Variants in PCDHB14 observed in about 807,000 individuals in gnomAD.
PCDHB14 encodes the protein protocadherin beta-14.
For synonymous variants in PCDHB14, 511 were observed against 441.5 expected, an observed-to-expected ratio of 1.16 and a Z score of -1.97; for missense variants, 1,129 against 1,000.5, an observed-to-expected ratio of 1.13 and a Z score of -1.73.
chr5:141,224,406 G>T lies in PCDHB14; in HGVS notation c.901G>T (p.Val301Phe), dbSNP rs781955583. The T allele has an allele frequency of 6.2e-7, 1 of 1,606,672 alleles. No homozygotes were observed. ...TFEINPISGE[V>F]NLRSPLDFEV... Reference sequence around the variant, plus strand: ...TGAAATTAATCCAATATCTGGGGAAGTTAATTTGAGATCACCCCTGGATTT... The same window carrying T: ...TGAAATTAATCCAATATCTGGGGAATTTAATTTGAGATCACCCCTGGATTT... The change falls in exon 1 of 1, where the codon GTT becomes TTT. Residue 301 changes from valine (V) to phenylalanine (F), a missense_variant. By Grantham distance (50) the Val-to-Phe change is conservative. Coordinates refer to ENST00000239449, the MANE Select transcript of PCDHB14 (RefSeq NM_018934.4).
chr5:141,223,391 T>C lies in PCDHB14; in HGVS notation c.-115T>C, dbSNP rs1211730174. 1 of 745,764 alleles carries C rather than the reference T, an allele frequency of 1.3e-6. No homozygotes were observed. The highest frequency in any genetic ancestry group is 2.3e-6 in the Non-Finnish European group (1 of 441,466). 46.2% of individuals were successfully genotyped at this position (745,764 alleles called of 1,614,324 possible). On this transcript the variant is annotated 5_prime_UTR_variant, in exon 1 of 1. Transcript: ENST00000239449. ...AGACAGGCATTAAAGGAGCTTCGCC[T>C]ACAGAGCTGCTGGAGGATACACTCT...
At position 141,224,049 on chromosome 5, in the gene PCDHB14, A is replaced by G. The variant is rs1754776515; in HGVS notation, c.544A>G (p.Ile182Val). Residue 182 changes from isoleucine to valine, a missense_variant, in exon 1 of 1, where the codon ATT becomes GTT. Transcript: ENST00000239449. ...CCCCAATTCTCACTTCTACATTAAA[A>G]TTCCCGACAGTAGTGACAGAAAGAT... is the stretch of plus-strand genomic sequence containing the variant. ...ISPNSHFYIK[I>V]PDSSDRKIYP... is the part of the protein sequence containing the mutation. 6 of 1,613,736 alleles carry G rather than the reference A, an allele frequency of 3.7e-6. No individual in the cohort carries two copies. The highest frequency in any genetic ancestry group is 8.5e-7 in the Non-Finnish European group (1 of 1,179,904).
rs560019029 is a variant in PCDHB14 at position 141,224,249 on chromosome 5, G to A, written c.744G>A (p.Glu248=). Residue 248 remains glutamate, a synonymous_variant, in exon 1 of 1, where the codon GAG becomes GAA. Coordinates refer to ENST00000239449, the MANE Select transcript of PCDHB14 (RefSeq NM_018934.4). The part of the protein sequence containing the change: ...NAPEFPQSLY[E]VQVPEDRPLG... ...CTGAGTTTCCTCAGAGTCTCTATGA[G>A]GTGCAAGTCCCCGAGGACAGACCCC... 1.7e-4 allele frequency: 276 copies of A among 1,613,792 alleles called. No homozygotes were observed. Among genetic ancestry groups the A allele is most frequent in the Admixed American group, 3.8e-4 (23 of 59,980 alleles).
At position 141,224,446 on chromosome 5, in the gene PCDHB14, C is replaced by T. The variant is rs782488105; in HGVS notation, c.941C>T (p.Ser314Phe). 5.6e-6 allele frequency: 9 copies of T among 1,610,886 alleles called. No individual in the cohort carries two copies. The South Asian group carries it at 9.9e-5, about 18-fold the overall frequency. Residue 314 changes from serine (S) to phenylalanine (F), a missense_variant, in exon 1 of 1, where the codon TCC becomes TTC. Ser to Phe is a radical substitution (Grantham distance 155, BLOSUM62 -2). Coordinates refer to ENST00000239449, the MANE Select transcript of PCDHB14 (RefSeq NM_018934.4). ...RSPLDFEVIQ[S>F]YTINIQATDG... ...CCCCTGGATTTTGAAGTAATACAGT[C>T]CTACACTATAAATATTCAGGCAACA...
rs1174197041 is a variant in PCDHB14, at chr5:141,225,831, G to A, written c.2326G>A (p.Val776Ile). The A allele has an allele frequency of 1.9e-6, 3 of 1,614,228 alleles. No homozygotes were observed. The highest frequency in any genetic ancestry group is 1.7e-6 in the Non-Finnish European group (2 of 1,180,036). ...GAAGCCGATTATCCCCAATTTTCAA[G>A]TTCATGACACTGGTAGGAATATGGG... ...FLKPIIPNFQ[V>I]HDTGRNMGEI... Residue 776 changes from valine (V) to isoleucine (I), a missense_variant, in exon 1 of 1, where the codon GTT becomes ATT. Transcript: ENST00000239449.
Position 141,224,348 on chromosome 5 carries a change from T to A in PCDHB14, c.843T>A (p.Phe281Leu), listed in dbSNP as rs781990161. 6.2e-7 allele frequency: 1 copy of A among 1,611,808 alleles called. No homozygotes were observed. Among genetic ancestry groups the A allele is most frequent in the Admixed American group, 1.7e-5 (1 of 59,454 alleles). ...AGNYGKISYT[F>L]FHASEDIRKT... The stretch of plus-strand genomic sequence containing the variant: ...ACTATGGAAAAATATCTTACACATT[T>A]TTCCATGCATCAGAAGATATTCGTA... The change falls in exon 1 of 1, where the codon TTT becomes TTA. Residue 281 changes from phenylalanine (F) to leucine (L), a missense_variant. Physicochemically the swap from Phe to Leu is conservative, Grantham distance 22. Coordinates refer to ENST00000239449, the MANE Select transcript of PCDHB14 (RefSeq NM_018934.4).
Position 141,225,251 on chromosome 5 carries a change from G to C in PCDHB14, c.1746G>C (p.Pro582=), listed in dbSNP as rs571205581. 17 of 1,599,410 alleles carry C rather than the reference G, an allele frequency of 1.1e-5. No individual in the cohort carries two copies. Among genetic ancestry groups the C allele is most frequent in the Non-Finnish European group, 1.4e-5 (16 of 1,177,074 alleles). ...AGCTGGTGCCCCGGGCGGCCGAGCC[G>C]GGCTACCTGGTGACCAAGGTGGTGG... The part of the protein sequence containing the change: ...CTELVPRAAE[P]GYLVTKVVAV... The change falls in exon 1 of 1, where the codon CCG becomes CCC. Residue 582 remains proline, a synonymous_variant. Transcript: ENST00000239449.
In PCDHB14 at chr5:141,226,001, A is replaced by T; in HGVS notation, c.*99A>T. On this transcript the variant is annotated 3_prime_UTR_variant, in exon 1 of 1. Coordinates refer to ENST00000239449, the MANE Select transcript of PCDHB14 (RefSeq NM_018934.4). ...GGATTCTTGGTTGTACTGTAGTTGC[A>T]TGCATGATTATAGCTCTTGTTTTTC... is the stretch of plus-strand genomic sequence containing the variant. 2 of 1,036,440 alleles carry T rather than the reference A, an allele frequency of 1.9e-6. No homozygotes were observed. The highest frequency in any genetic ancestry group is 2.4e-5 in the East Asian group (1 of 41,076). 64.2% of individuals were successfully genotyped at this position (1,036,440 alleles called of 1,614,324 possible).
rs570935921 is a variant in PCDHB14 at position 141,227,252 on chromosome 5, C to T, written c.*1350C>T. 1 of 152,152 alleles carries T rather than the reference C, an allele frequency of 6.6e-6. No individual in the cohort carries two copies. The highest frequency in any genetic ancestry group is 2.4e-5 in the African/African-American group (1 of 41,436). 9.4% of individuals were successfully genotyped at this position (152,152 alleles called of 1,614,324 possible). A position where few individuals can be genotyped will look rare whatever the true frequency, so the allele number is the denominator to read the frequency against. On this transcript the variant is annotated 3_prime_UTR_variant, in exon 1 of 1. Transcript: ENST00000239449. Reference sequence around the variant, plus strand: ...AGCCTTCCATCAGATGAGTACAAAGCAAGAACTTCATAAGAAATTGAAATG... The same window carrying T: ...AGCCTTCCATCAGATGAGTACAAAGTAAGAACTTCATAAGAAATTGAAATG...
chr5:141,223,990 T>G lies in PCDHB14; in HGVS notation c.485T>G (p.Val162Gly). 1 of 1,613,516 alleles carries G rather than the reference T, an allele frequency of 6.2e-7. No individual in the cohort carries two copies. The highest frequency in any genetic ancestry group is 8.5e-7 in the Non-Finnish European group (1 of 1,179,826). Residue 162 changes from valine to glycine, a missense_variant, in exon 1 of 1, where the codon GTC (valine) becomes GGC (glycine). Coordinates refer to ENST00000239449, the MANE Select transcript of PCDHB14 (RefSeq NM_018934.4). ...ATGGAGAGTGCTCAAGATTTGGATGTCGGAAGCAACAGTCTCCAAAACTAC... is the reference window on the plus strand; with the variant it reads ...ATGGAGAGTGCTCAAGATTTGGATGGCGGAAGCAACAGTCTCCAAAACTAC... ...FLMESAQDLD[V>G]GSNSLQNYTI...
rs782249909 is a variant in PCDHB14, at chr5:141,224,720, T to C, written c.1215T>C (p.Ser405=). 6 of 1,614,142 alleles carry C rather than the reference T, an allele frequency of 3.7e-6. No homozygotes were observed. The highest frequency in any genetic ancestry group is 1.7e-4 in the Middle Eastern group (1 of 6,060). The change falls in exon 1 of 1, where the codon TCT becomes TCC. Residue 405 remains serine (S), a synonymous_variant. Transcript: ENST00000239449. ...PTFKNFFTLV[S]EKALDRESQA... is the part of the protein sequence containing the mutation. ...TCAAGAACTTTTTCACTCTAGTTTC[T>C]GAAAAAGCACTGGACAGAGAGAGCC...
Position 141,225,169 on chromosome 5 carries a change from A to G in PCDHB14, c.1664A>G (p.Asn555Ser), listed in dbSNP as rs1554289345. The G allele has an allele frequency of 5.0e-6, 8 of 1,610,988 alleles. 1 individual carries two copies. The Admixed American group carries it at 1.0e-4, about 20-fold the overall frequency. ...GTGCGCGTGCTGGTGCTGGACGCCA[A>G]CGACAACTCGCCCTTCGTGCTGTAC... is the stretch of plus-strand genomic sequence containing the variant. The part of the protein sequence containing the change: ...ALVRVLVLDA[N>S]DNSPFVLYPL... Residue 555 changes from asparagine (N) to serine (S), a missense_variant, in exon 1 of 1, where the codon AAC (asparagine) becomes AGC (serine). By Grantham distance (46) the Asn-to-Ser change is conservative. Transcript: ENST00000239449.
In PCDHB14 at chr5:141,227,127, T is replaced by G. The variant is rs1754877285; in HGVS notation, c.*1225T>G. ...GATTACAGGCATGAGCCATTACGTC[T>G]GGCCTAGTTTTCTTTAAATACACCG... On this transcript the variant is annotated 3_prime_UTR_variant, in exon 1 of 1. Transcript: ENST00000239449. 1 of 152,248 alleles carries G rather than the reference T, an allele frequency of 6.6e-6. No homozygotes were observed. The highest frequency in any genetic ancestry group is 1.5e-5 in the Non-Finnish European group (1 of 68,046). 9.4% of individuals were successfully genotyped at this position (152,248 alleles called of 1,614,324 possible). A position where few individuals can be genotyped will look rare whatever the true frequency, so the allele number is the denominator to read the frequency against.
At position 141,223,601 on chromosome 5, in the gene PCDHB14, C is replaced by G. The variant is rs1188203990; in HGVS notation, c.96C>G (p.His32Gln). ...CTCGGGCAGGTACTGAATCTGCACA[C>G]TATTCTGTGGCAGAGGAAACAGAAA... ...GLSRAGTESA[H>Q]YSVAEETEIG... The change falls in exon 1 of 1, where the codon CAC becomes CAG. Residue 32 changes from histidine (H) to glutamine (Q), a missense_variant. Transcript: ENST00000239449. 6.2e-7 allele frequency: 1 copy of G among 1,613,892 alleles called. No individual in the cohort carries two copies. Among genetic ancestry groups the G allele is most frequent in the Non-Finnish European group, 8.5e-7 (1 of 1,179,868 alleles).
Position 141,224,699 on chromosome 5 carries a change from G to A in PCDHB14, c.1194G>A (p.Lys398=), listed in dbSNP as rs782410375. The change falls in exon 1 of 1, where the codon AAG becomes AAA. Residue 398 remains lysine (K), a synonymous_variant. Transcript: ENST00000239449. ...CTTTTTTCCTGAAACCGACCTTCAAGAACTTTTTCACTCTAGTTTCTGAAA... is the reference window on the plus strand; with the variant it reads ...CTTTTTTCCTGAAACCGACCTTCAAAAACTTTTTCACTCTAGTTTCTGAAA... ...NLPFFLKPTF[K]NFFTLVSEKA... is the part of the protein sequence containing the mutation. The A allele has an allele frequency of 6.2e-7, 1 of 1,614,088 alleles. No individual in the cohort carries two copies. The highest frequency in any genetic ancestry group is 1.1e-5 in the South Asian group (1 of 91,068).
In PCDHB14 at chr5:141,224,495, A is replaced by G. The variant is rs1554289185; in HGVS notation, c.990A>G (p.Lys330=). The change falls in exon 1 of 1, where the codon AAA becomes AAG. Residue 330 remains lysine, a synonymous_variant. Coordinates refer to ENST00000239449, the MANE Select transcript of PCDHB14 (RefSeq NM_018934.4). ...CAGATGGTGGGGGTCTTTCAGGAAA[A>G]TGCACCCTTCTAGTTAAAGTTATGG... ...QATDGGGLSG[K]CTLLVKVMDI... 6.2e-7 allele frequency: 1 copy of G among 1,613,602 alleles called. No homozygotes were observed. The highest frequency in any genetic ancestry group is 8.5e-7 in the Non-Finnish European group (1 of 1,179,864).
rs782680833 is a variant in PCDHB14 at position 141,224,863 on chromosome 5, A to C, written c.1358A>C (p.Gln453Pro). The change falls in exon 1 of 1, where the codon CAA becomes CCA. Residue 453 changes from glutamine to proline, a missense_variant. Coordinates refer to ENST00000239449, the MANE Select transcript of PCDHB14 (RefSeq NM_018934.4). ...DVNDNAPTFT[Q>P]TSYTLFVREN... is the part of the protein sequence containing the mutation. ...AATGACAACGCCCCCACCTTCACCC[A>C]AACCTCCTACACCCTGTTCGTCCGC... 3 of 1,613,540 alleles carry C rather than the reference A, an allele frequency of 1.9e-6. No individual in the cohort carries two copies. In the South Asian group the frequency reaches 3.3e-5, roughly 18 times the overall value.
chr5:141,223,927 A>C lies in PCDHB14; in HGVS notation c.422A>C (p.Lys141Thr). Residue 141 changes from lysine (K) to threonine (T), a missense_variant, in exon 1 of 1, where the codon AAA becomes ACA. Lys to Thr is a moderately conservative substitution (Grantham distance 78). Transcript: ENST00000239449. ...PTFLDKEILI[K>T]ISEGTTVGAT... ...TTTCTAGACAAGGAAATACTTATTA[A>C]AATATCAGAAGGTACCACTGTTGGA... The C allele has an allele frequency of 6.2e-7, 1 of 1,614,058 alleles. No individual in the cohort carries two copies. Among genetic ancestry groups the C allele is most frequent in the Non-Finnish European group, 8.5e-7 (1 of 1,179,978 alleles).
rs1754769562 is a variant in PCDHB14, at chr5:141,223,796, C to T, written c.291C>T (p.Gly97=). 1.9e-6 allele frequency: 3 copies of T among 1,613,932 alleles called. No individual in the cohort carries two copies. Among genetic ancestry groups the T allele is most frequent in the African/African-American group, 1.3e-5 (1 of 74,870 alleles). ...AACTAGACCGAGACGAGCTGTGTGGCTCCACCGAGCCCTGTGTGCTGCATT... is the reference window on the plus strand; with the variant it reads ...AACTAGACCGAGACGAGCTGTGTGGTTCCACCGAGCCCTGTGTGCTGCATT... ...NEKLDRDELC[G]STEPCVLHFQ... The change falls in exon 1 of 1, where the codon GGC becomes GGT. Residue 97 remains glycine, a synonymous_variant. Coordinates refer to ENST00000239449, the MANE Select transcript of PCDHB14 (RefSeq NM_018934.4).
Sources: allele counts gnomAD v4.1 joint callset, GRCh38; gene constraint gnomAD v4.1.1; transcripts MANE v1.5; gene names NCBI Gene and HGNC (gene_info 2026-07-23, HGNC 2026-07-21).